CNTNAP5: variants seen among roughly 807,000 people sequenced by gnomAD.
CNTNAP5 encodes contactin associated protein family member 5.
A neutral mutation model predicts 150.2 loss-of-function variants in CNTNAP5; 72 were observed. The observed-to-expected ratio is 0.48, with a 90% CI of 0.40 to 0.58. CNTNAP5 has a LOEUF of 0.58. Ranked by LOEUF, CNTNAP5 falls within the 20% of genes least tolerant of loss-of-function variation. The probability of loss-of-function intolerance (pLI) is 0.00; values close to 1 mark genes in which losing one functional copy is unlikely to be tolerated. For synonymous variants in CNTNAP5, 672 were observed against 619.8 expected, an observed-to-expected ratio of 1.08 and a Z score of -1.25; for missense variants, 1,636 against 1,626.2, an observed-to-expected ratio of 1.01 and a Z score of -0.10.
intron 11 of CNTNAP5, among the ~76,000 whole-genome samples, chr2:124,578,013 C>A (rs1445324136): frequency 6.6e-6 from 1 of 151,804 alleles, no homozygotes; most frequent in East Asian, 1.9e-4. Flanking sequence ...CTGAATTGAC[C>A]AAGATGCTGA....
At chr2:124,798,432 C>T (rs1434325059) in intron 19 of CNTNAP5, 112 bp downstream of exon 19, 1 of 730,894 alleles carries the variant, frequency 1.4e-6, no homozygotes, top group Non-Finnish European at 2.3e-6. Flanking sequence ...ATCTGGGAAG[C>T]TTATTTCCAG....
chr2:124,613,380 T>C (rs1677425292), intron 12 of CNTNAP5, among the ~76,000 whole-genome samples: 1 of 152,084 alleles, frequency 6.6e-6, no homozygotes, highest in South Asian at 2.1e-4. Flanking sequence ...AAAACCAAGC[T>C]CTCTTTCTGC....
intron 13 of CNTNAP5, among the ~76,000 whole-genome samples, chr2:124,657,786 A>G (rs1678490396): frequency 6.6e-6 from 1 of 152,124 alleles, no homozygotes; most frequent in South Asian, 2.1e-4. Flanking sequence ...CCCACCTCTC[A>G]GACCTGATAC....
chr2:124,811,709 G>GGGGT (rs1553445039), intron 19 of CNTNAP5, among the ~76,000 whole-genome samples: 12 of 137,072 alleles, frequency 8.8e-5, no homozygotes, highest in Non-Finnish European at 1.8e-4. Context: ...TAGGAGGCGG[G>GGGGT]GGGGGTGGAT....
intron 4 of CNTNAP5, among the ~76,000 whole-genome samples, chr2:124,423,396 C>G (rs2104783508): frequency 6.6e-6 from 1 of 152,228 alleles, no homozygotes; most frequent in South Asian, 2.1e-4. Flanking sequence ...TTTTTATATA[C>G]CAGGTATCCA....
intron 3 of CNTNAP5, among the ~76,000 whole-genome samples, chr2:124,264,397 C>G (rs55889680): frequency 1.5e-3 from 142 of 96,944 alleles, no homozygotes; most frequent in Admixed American, 8.4e-3. Context: ...CATACACACA[C>G]ACACACACAC....
chr2:124,154,275 A>G (rs1388255569), intron 1 of CNTNAP5, among the ~76,000 whole-genome samples: 1 of 152,096 alleles, frequency 6.6e-6, no homozygotes, highest in Non-Finnish European at 1.5e-5. Flanking sequence ...ATTCCCCTAG[A>G]GCAGACCCTA....
intron 13 of CNTNAP5, among the ~76,000 whole-genome samples, chr2:124,717,513 CCCTGGTGTGCCT>C: frequency 6.6e-6 from 1 of 152,304 alleles, no homozygotes; most frequent in East Asian, 1.9e-4. Flanking sequence ...TTCCCCCAAA[CCCTGGTGTGCCT>C]ACAAGTCATT....
At chr2:124,627,446 A>G (rs1320499826) in intron 12 of CNTNAP5, among the ~76,000 whole-genome samples, 2 of 151,312 alleles carry the variant, frequency 1.3e-5, no homozygotes, top group African/African-American at 4.9e-5. Context: ...TCTGGAGTGG[A>G]CCCCCAGCAA....
intron 3 of CNTNAP5, among the ~76,000 whole-genome samples, chr2:124,319,493 G>T (rs567492998): frequency 6.6e-6 from 1 of 152,146 alleles, no homozygotes; most frequent in Admixed American, 6.5e-5. Context: ...GTAGACTGGG[G>T]TATATTTGAC....
intron 10 of CNTNAP5, among the ~76,000 whole-genome samples, chr2:124,549,596 T>C (rs959205056): frequency 2.6e-5 from 4 of 152,196 alleles, no homozygotes; most frequent in African/African-American, 9.7e-5. Flanking sequence ...GGTTGCTAAA[T>C]ATTAAGAAAA....
intron 2 of CNTNAP5, among the ~76,000 whole-genome samples, chr2:124,225,389 C>T (rs1385901575): frequency 6.6e-6 from 1 of 152,154 alleles, no homozygotes; most frequent in Non-Finnish European, 1.5e-5. Flanking sequence ...CACCACAACA[C>T]TATCCTGCCC....
At chr2:124,716,922 A>G (rs926997565) in intron 13 of CNTNAP5, among the ~76,000 whole-genome samples, 12 of 152,172 alleles carry the variant, frequency 7.9e-5, no homozygotes, top group Admixed American at 3.9e-4. Context: ...CTTCTGTGGT[A>G]TTCAATGCAA....
chr2:124,418,559 G>T (rs73952959), intron 4 of CNTNAP5, among the ~76,000 whole-genome samples: 2,157 of 152,268 alleles, frequency 0.014, 57 homozygotes, highest in African/African-American at 0.049. Context: ...GTAAACTATG[G>T]ATATAGAGTG....
chr2:124,836,890 T>A (rs1413912983), intron 19 of CNTNAP5, among the ~76,000 whole-genome samples: 1 of 152,106 alleles, frequency 6.6e-6, no homozygotes, highest in Non-Finnish European at 1.5e-5. Context: ...TTTGCAAATA[T>A]GAATTGCGAA....
intron 13 of CNTNAP5, among the ~76,000 whole-genome samples, chr2:124,666,499 C>T (rs936027): frequency 0.25 from 37,686 of 151,928 alleles, 4,938 homozygotes; most frequent in African/African-American, 0.33. Flanking sequence ...TGCTGGTCAG[C>T]TGTGCCTAAA....
chr2:124,265,855 G>A (rs1687592989), intron 3 of CNTNAP5, among the ~76,000 whole-genome samples: 1 of 151,914 alleles, frequency 6.6e-6, no homozygotes, highest in Admixed American at 6.6e-5. Context: ...AACAGAGTCA[G>A]TCAGGTTACG....
intron 19 of CNTNAP5, among the ~76,000 whole-genome samples, chr2:124,814,620 A>G (rs1260906046): frequency 6.6e-6 from 1 of 151,958 alleles, no homozygotes; most frequent in Non-Finnish European, 1.5e-5. Context: ...GCATATACTA[A>G]TGGTTCATCT....
chr2:124,833,004 G>A (rs1324955699), intron 19 of CNTNAP5, among the ~76,000 whole-genome samples: 3 of 150,790 alleles, frequency 2.0e-5, no homozygotes, highest in African/African-American at 7.4e-5. Flanking sequence ...CCACCTCTCA[G>A]GATCACACCA....
Sources: gnomAD v4.1 joint callset for allele counts (sites outside exome capture counted in the v4.1 genomes callset) on GRCh38, gnomAD v4.1.1 for gene constraint, MANE v1.5 for transcripts, NCBI Gene and HGNC (gene_info 2026-07-23, HGNC 2026-07-21) for gene names.